TYRO3: variants seen among roughly 807,000 people sequenced by gnomAD.
TYRO3 encodes TYRO3 protein tyrosine kinase.
A neutral mutation model predicts 95.2 loss-of-function variants in TYRO3; 38 were observed. The ratio of observed to expected loss-of-function variants is 0.40; its 90% CI spans 0.31 to 0.52. The LOEUF (loss-of-function observed/expected upper bound fraction) is 0.52, where lower values mean the gene tolerates loss of function less well. Ranked by LOEUF, TYRO3 falls within the 20% of genes least tolerant of loss-of-function variation. The pLI is 0.56. For missense variants in TYRO3, 812 were observed against 1,116.4 expected (o/e 0.73, Z 3.89); for synonymous variants, 367 against 432.9 (o/e 0.85, Z 1.89).
In TYRO3 at chr15:41,581,434, C is replaced by G. The variant is rs1406702700; in HGVS notation, c.*3158C>G. 6.5e-6 allele frequency: 1 copy of G among 153,266 alleles called. No individual in the cohort carries two copies. Among genetic ancestry groups the G allele is most frequent in the Non-Finnish European group, 1.5e-5 (1 of 68,052 alleles). The allele number at this position is 153,266 out of a possible 1,614,324, so 9.5% of individuals were successfully genotyped here. ...GTAGATCATGAAACCTGAAAAACTTCCAGGCAAGTAGCTTTCAGAATCTTT... is the reference window on the plus strand; with the variant it reads ...GTAGATCATGAAACCTGAAAAACTTGCAGGCAAGTAGCTTTCAGAATCTTT... On this transcript the variant is annotated 3_prime_UTR_variant, in exon 19 of 19. Coordinates refer to ENST00000263798, the MANE Select transcript of TYRO3 (RefSeq NM_006293.4).
intron 14 of TYRO3, among the ~76,000 whole-genome samples, chr15:41,572,014 CAAAA>C (rs1482956298): frequency 2.0e-5 from 3 of 149,936 alleles, no homozygotes; most frequent in Admixed American, 1.3e-4. Flanking sequence ...AAAAACAAAA[CAAAA>C]AACATACACA....
At chr15:41,576,942 G>A (rs2055868443) in intron 18 of TYRO3, among the ~76,000 whole-genome samples, 1 of 151,934 alleles carries the variant, frequency 6.6e-6, no homozygotes, top group African/African-American at 2.4e-5. Context: ...GGGACTACAG[G>A]TGCATACCAC....
rs1402038449 is a variant in TYRO3, at chr15:41,572,989, G to A, written c.1876-13G>A. On this transcript the variant is annotated splice_polypyrimidine_tract_variant and intron_variant, in intron 15 of 18. Transcript: ENST00000263798. ...GGCAGGTTAAGCCTGAGCTTGGCCT[G>A]TCTGTCCACTAGAACCTACCCCTCC... The A allele has an allele frequency of 3.1e-6, 5 of 1,610,604 alleles. No individual in the cohort carries two copies. Among genetic ancestry groups the A allele is most frequent in the East Asian group, 2.2e-5 (1 of 44,726 alleles).
intron 9 of TYRO3, among the ~76,000 whole-genome samples, chr15:41,569,788 C>T (rs1183340629): frequency 1.3e-5 from 2 of 152,162 alleles, no homozygotes; most frequent in African/African-American, 4.8e-5. Flanking sequence ...ATCTCATTCT[C>T]CTCTCTCTGC....
At position 41,562,654 on chromosome 15, in the gene TYRO3, C is replaced by T. The variant is rs775427561; in HGVS notation, c.516C>T (p.Val172=). The T allele has an allele frequency of 1.1e-5, 17 of 1,614,176 alleles. No individual in the cohort carries two copies. The South Asian group carries it at 1.8e-4, about 17-fold the overall frequency. The change falls in exon 4 of 19, where the codon GTC becomes GTT. Residue 172 remains valine (V), a synonymous_variant. Coordinates refer to ENST00000263798, the MANE Select transcript of TYRO3 (RefSeq NM_006293.4). ...GTCCCCCTGAACCTGTTACCATTGT[C>T]TGGTGGAGAGGAACTACGAAGATCG... The part of the protein sequence containing the change: ...AVGPPEPVTI[V]WWRGTTKIGG...
At position 41,567,229 on chromosome 15, in the gene TYRO3, A is replaced by T. The variant is rs185560036; in HGVS notation, c.784-131A>T. On this transcript the variant is annotated intron_variant, in intron 6 of 18. Transcript: ENST00000263798. ...CTGTGTATTATTGGGGTGGGGGCAG[A>T]TGGGAGGGCGTGGGTTGCAAGTGTT... 7.0e-5 allele frequency: 47 copies of T among 666,994 alleles called. No homozygotes were observed. The African/African-American group carries it at 8.7e-4, about 12-fold the overall frequency. The allele number at this position is 666,994 out of a possible 1,614,324, so 41.3% of individuals were successfully genotyped here. A position where few individuals can be genotyped will look rare whatever the true frequency, so the allele number is the denominator to read the frequency against.
At position 41,559,276 on chromosome 15, in the gene TYRO3, A is replaced by C; in HGVS notation, c.19A>C (p.Met7Leu). The change falls in exon 1 of 19, where the codon ATG (methionine) becomes CTG (leucine). Residue 7 changes from methionine (M) to leucine (L), a missense_variant. By Grantham distance (15) the Met-to-Leu change is conservative (BLOSUM62 2). Transcript: ENST00000263798. ...GCCGCCGATGGCGCTGAGGCGGAGCATGGGGCGGCCGGGGCTCCCGCCGCT... is the reference window on the plus strand; with the variant it reads ...GCCGCCGATGGCGCTGAGGCGGAGCCTGGGGCGGCCGGGGCTCCCGCCGCT... MALRRS[M>L]GRPGLPPLPL... is the part of the protein sequence containing the mutation. 1 of 482,390 alleles carries C rather than the reference A, an allele frequency of 2.1e-6. No individual in the cohort carries two copies. The allele number at this position is 482,390 out of a possible 1,614,324, so 29.9% of individuals were successfully genotyped here.
At chr15:41,576,805 G>T (rs1288120242) in intron 18 of TYRO3, among the ~76,000 whole-genome samples, 2 of 148,158 alleles carry the variant, frequency 1.3e-5, no homozygotes, top group East Asian at 4.0e-4. Context: ...GGGATTACAG[G>T]TACTTACCAC....
rs1321290949 is a variant in TYRO3, at chr15:41,571,763, T to G, written c.1753+76T>G. The G allele has an allele frequency of 4.4e-6, 3 of 678,026 alleles. No individual in the cohort carries two copies. In the Admixed American group the frequency reaches 7.0e-5, roughly 16 times the overall value. 42.0% of individuals were successfully genotyped at this position (678,026 alleles called of 1,614,324 possible). On this transcript the variant is annotated intron_variant, in intron 14 of 18. Coordinates refer to ENST00000263798, the MANE Select transcript of TYRO3 (RefSeq NM_006293.4). ...TCTACCAATATGAGATGGCAGCCTA[T>G]AGGAGAGACTTTTGGACTCATCTGG...
At chr15:41,565,216 C>A in intron 6 of TYRO3, 75 bp downstream of exon 6, 1 of 904,584 alleles carries the variant, frequency 1.1e-6, no homozygotes, top group Non-Finnish European at 1.8e-6. Context: ...ATCACACTCA[C>A]TAGCCAGCTC....
chr15:41,562,359 C>A, intron 3 of TYRO3, 189 bp from the exon 4 acceptor site: 15 of 378,622 alleles, frequency 4.0e-5, no homozygotes, highest in East Asian at 1.4e-4. Flanking sequence ...AAAAAAATTC[C>A]TAAGGAGCCT....
chr15:41,575,843 GGTGGCTCACGCCC>G (rs1370739103), intron 18 of TYRO3, among the ~76,000 whole-genome samples: 1 of 152,114 alleles, frequency 6.6e-6, no homozygotes, highest in African/African-American at 2.4e-5. Context: ...GGCAGGGGAC[GGTGGCTCACGCCC>G]GTAATCCCAG....
At position 41,561,587 on chromosome 15, in the gene TYRO3, G is replaced by A. The variant is rs1414168825; in HGVS notation, c.357G>A (p.Val119=). Residue 119 remains valine (V), a synonymous_variant, in exon 3 of 19, where the codon GTG becomes GTA. Transcript: ENST00000263798. The part of the protein sequence containing the change: ...RSDAGRYWCQ[V]EDGGETEISQ... ...ACGCCGGCCGGTACTGGTGCCAGGT[G>A]GAGGATGGGGGTGAAACCGAGATCT... 5.6e-6 allele frequency: 9 copies of A among 1,594,834 alleles called. No individual in the cohort carries two copies. In the Admixed American group the frequency reaches 1.6e-4, roughly 28 times the overall value.
At chr15:41,571,343 C>T (rs923034030) in intron 13 of TYRO3, among the ~76,000 whole-genome samples, 3 of 152,186 alleles carry the variant, frequency 2.0e-5, no homozygotes, top group Non-Finnish European at 2.9e-5. Context: ...CCTCTGAGTC[C>T]CCTCTTGGGT....
In TYRO3 at chr15:41,565,050, T is replaced by C; in HGVS notation, c.692T>C (p.Ile231Thr). 1 of 1,612,698 alleles carries C rather than the reference T, an allele frequency of 6.2e-7. No individual in the cohort carries two copies. The highest frequency in any genetic ancestry group is 8.5e-7 in the Non-Finnish European group (1 of 1,179,966). The change falls in exon 6 of 19, where the codon ATC (isoleucine) becomes ACC (threonine). Residue 231 changes from isoleucine to threonine, a missense_variant. Transcript: ENST00000263798. ...LQALPAAPFN[I>T]TVTKLSSSNA... ...GCACTGCCTGCAGCCCCCTTCAACA[T>C]CACCGTGACAAAGCTTTCCAGCAGC...
chr15:41,569,194 A>G (rs1205292306), intron 9 of TYRO3, among the ~76,000 whole-genome samples, 172 bp downstream of exon 9: 1 of 151,740 alleles, frequency 6.6e-6, no homozygotes, highest in Non-Finnish European at 1.5e-5. Flanking sequence ...ATGGTGGCTC[A>G]TGCCTGTAAT....
intron 18 of TYRO3, chr15:41,574,808 C>G (rs1032844372): frequency 2.2e-6 from 1 of 448,938 alleles, no homozygotes; most frequent in African/African-American, 2.0e-5. Flanking sequence ...CAGCCTCAAC[C>G]TCCTGGGCTC....
At position 41,564,863 on chromosome 15, in the gene TYRO3, G is replaced by C. The variant is rs2055701997; in HGVS notation, c.668-163G>C. 8.1e-6 allele frequency: 5 copies of C among 614,078 alleles called. 1 individual carries two copies. The Middle Eastern group carries it at 1.3e-3, about 161-fold the overall frequency. The allele number at this position is 614,078 out of a possible 1,614,324, so 38.0% of individuals were successfully genotyped here. On this transcript the variant is annotated intron_variant, in intron 5 of 18. Transcript: ENST00000263798. ...CAGGTGTGAGCAGCTGTGCCCTACT[G>C]GTTGCTTATTTGTGTACTACTGTGA...
chr15:41,578,149 A>G lies in TYRO3; in HGVS notation c.2546A>G (p.Tyr849Cys). Residue 849 changes from tyrosine to cysteine, a missense_variant, in exon 19 of 19, where the codon TAC (tyrosine) becomes TGC (cysteine). By Grantham distance (194) the Tyr-to-Cys change is radical. Transcript: ENST00000263798. ...GGTGGCACTCCCAGTGACTGTCGGTACATACTCACCCCCGGAGGGCTGGCT... is the reference window on the plus strand; with the variant it reads ...GGTGGCACTCCCAGTGACTGTCGGTGCATACTCACCCCCGGAGGGCTGGCT... ...AVGGTPSDCR[Y>C]ILTPGGLAEQ... is the part of the protein sequence containing the mutation. 1 of 1,613,940 alleles carries G rather than the reference A, an allele frequency of 6.2e-7. No homozygotes were observed. Among genetic ancestry groups the G allele is most frequent in the Non-Finnish European group, 8.5e-7 (1 of 1,180,026 alleles).
Sources: allele counts gnomAD v4.1 joint callset (sites outside exome capture counted in the v4.1 genomes callset), GRCh38; gene constraint gnomAD v4.1.1; transcripts MANE v1.5; gene names NCBI Gene and HGNC (gene_info 2026-07-23, HGNC 2026-07-21).